Variants in TCF4 observed in about 807,000 individuals in gnomAD.
TCF4 encodes the protein transcription factor 4, also known as SL3-3 enhancer factor 2.
TCF4 carries 3 observed loss-of-function variants against 82.1 expected under a neutral mutation model. The observed-to-expected ratio is 0.04, with a 90% CI of 0.02 to 0.09. The LOEUF (loss-of-function observed/expected upper bound fraction) is 0.09. Ranked by LOEUF, TCF4 falls within the 10% of genes least tolerant of loss-of-function variation. TCF4 has a pLI of 1.00. For synonymous variants in TCF4, 276 were observed against 309.6 expected (o/e 0.89, Z 1.14); for missense variants, 518 against 852.7 (o/e 0.61, Z 4.89).
chr18:55,378,488 C>T (rs1169802291), intron 6 of TCF4, among the ~76,000 whole-genome samples: 1 of 152,104 alleles, frequency 6.6e-6, no homozygotes, highest in Admixed American at 6.5e-5. Flanking sequence ...CTTACAAACC[C>T]TATGAAGAAG....
chr18:55,248,826 C>T (rs2054122557), intron 15 of TCF4, among the ~76,000 whole-genome samples: 1 of 152,160 alleles, frequency 6.6e-6, no homozygotes, highest in South Asian at 2.1e-4. Flanking sequence ...CTCACTGCAA[C>T]CTGTGCCTCC....
At chr18:55,410,132 G>A (rs1488888627) in intron 5 of TCF4, among the ~76,000 whole-genome samples, 1 of 152,184 alleles carries the variant, frequency 6.6e-6, no homozygotes, top group Non-Finnish European at 1.5e-5. Context: ...TAGCTTGTAT[G>A]TATCAAGGGA....
At chr18:55,454,648 A>G (rs2095699457) in intron 5 of TCF4, among the ~76,000 whole-genome samples, 1 of 152,344 alleles carries the variant, frequency 6.6e-6, no homozygotes, top group African/African-American at 2.4e-5. Flanking sequence ...TGGAAAACAC[A>G]TCACTGGCAA....
chr18:55,397,046 G>A (rs1485316983), intron 6 of TCF4, among the ~76,000 whole-genome samples: 1 of 152,094 alleles, frequency 6.6e-6, no homozygotes, highest in African/African-American at 2.4e-5. Flanking sequence ...GTCAAAGGTT[G>A]TTGGGAAAAA....
intron 3 of TCF4, among the ~76,000 whole-genome samples, chr18:55,530,342 T>A (rs2097046278): frequency 6.6e-6 from 1 of 152,050 alleles, no homozygotes; most frequent in Non-Finnish European, 1.5e-5. Flanking sequence ...TCAAGGCGGA[T>A]GAAAGAGTTA....
intron 5 of TCF4, among the ~76,000 whole-genome samples, chr18:55,420,713 G>A (rs553230574): frequency 6.6e-6 from 1 of 152,218 alleles, no homozygotes; most frequent in African/African-American, 2.4e-5. Flanking sequence ...GCTTCTCGGC[G>A]ACTAACCTGC....
Position 55,283,251 on chromosome 18 carries a change from T to G in TCF4, c.550-3595A>C, listed in dbSNP as rs539740993. ...ATGGTACATTAGCTGTTCCATTCAA[T>G]GTTTCCAACTATTATTTCTGCACTC... On this transcript the variant is annotated intron_variant, in intron 8 of 19. Transcript: ENST00000354452. 2.7e-4 allele frequency among the ~76,000 whole-genome samples: 41 copies of G among 152,040 alleles called. No homozygotes were observed. In the South Asian group the frequency reaches 8.5e-3, roughly 32 times the overall value.
chr18:55,236,718 AGCATGAATTTTTACAG>A (rs2049557410), intron 15 of TCF4, among the ~76,000 whole-genome samples: 1 of 152,244 alleles, frequency 6.6e-6, no homozygotes, highest in African/African-American at 2.4e-5. Flanking sequence ...TCAACTTGTA[AGCATGAATTTTTACAG>A]GCCTTGATCA....
chr18:55,417,042 C>A (rs564097874), intron 5 of TCF4, among the ~76,000 whole-genome samples: 1 of 152,278 alleles, frequency 6.6e-6, no homozygotes, highest in Non-Finnish European at 1.5e-5. Context: ...CATGGTAGGC[C>A]ATATGGCATC....
At chr18:55,618,380 G>T (rs374599880) in intron 2 of TCF4, among the ~76,000 whole-genome samples, 2 of 151,814 alleles carry the variant, frequency 1.3e-5, no homozygotes, top group African/African-American at 4.8e-5. Context: ...TATCCAATTT[G>T]TTGATATATA....
chr18:55,378,632 A>C (rs1159515381), intron 6 of TCF4, among the ~76,000 whole-genome samples: 1 of 152,184 alleles, frequency 6.6e-6, no homozygotes, highest in Non-Finnish European at 1.5e-5. Flanking sequence ...CCCCTACCCA[A>C]GGCATCCATT....
At chr18:55,368,892 G>T (rs543883838) in intron 6 of TCF4, among the ~76,000 whole-genome samples, 17 of 152,310 alleles carry the variant, frequency 1.1e-4, no homozygotes, top group Admixed American at 9.1e-4. Context: ...AGTTCTTAAT[G>T]CTATTAAGAA....
intron 8 of TCF4, among the ~76,000 whole-genome samples, chr18:55,313,035 G>A (rs992693409): frequency 3.9e-5 from 6 of 152,146 alleles, no homozygotes; most frequent in Non-Finnish European, 8.8e-5. Context: ...TACTCCCTCT[G>A]AAGCTGAATG....
At chr18:55,586,333 T>C (rs1187762026) in intron 2 of TCF4, 1 of 666,916 alleles carries the variant, frequency 1.5e-6, no homozygotes, top group East Asian at 3.3e-5. Flanking sequence ...TCATCTGGCA[T>C]TAAAAATGAA....
intron 6 of TCF4, among the ~76,000 whole-genome samples, chr18:55,399,876 T>TCACACA (rs1290573769): frequency 8.4e-6 from 1 of 118,518 alleles, no homozygotes; most frequent in African/African-American, 3.6e-5. Context: ...TCTCTCTCTC[T>TCACACA]CTCTCACACA....
chr18:55,515,094 G>A (rs1226748601), intron 3 of TCF4, among the ~76,000 whole-genome samples: 3 of 152,038 alleles, frequency 2.0e-5, no homozygotes, highest in African/African-American at 2.4e-5. Context: ...ACACATAAAC[G>A]TAAAGCCATA....
intron 15 of TCF4, among the ~76,000 whole-genome samples, chr18:55,248,888 G>A (rs754159437): frequency 6.6e-6 from 1 of 152,142 alleles, no homozygotes; most frequent in Non-Finnish European, 1.5e-5. Flanking sequence ...GGGATTACAG[G>A]TGTGCACCAC....
intron 3 of TCF4, among the ~76,000 whole-genome samples, chr18:55,491,639 G>A (rs915381454): frequency 6.6e-5 from 10 of 152,054 alleles, no homozygotes; most frequent in African/African-American, 1.4e-4. Context: ...CACATACCGC[G>A]CTCACACACA....
At chr18:55,325,501 C>A (rs1013420465) in intron 8 of TCF4, among the ~76,000 whole-genome samples, 24 of 152,160 alleles carry the variant, frequency 1.6e-4, no homozygotes, top group Middle Eastern at 3.4e-3. Context: ...TGAACATCTA[C>A]ACACACACAA....
Sources: gnomAD v4.1 joint callset for allele counts (sites outside exome capture counted in the v4.1 genomes callset) on GRCh38, gnomAD v4.1.1 for gene constraint, MANE v1.5 for transcripts, NCBI Gene and HGNC (gene_info 2026-07-23, HGNC 2026-07-21) for gene names.